The following NEDD4L variants were observed in gnomAD, a reference collection of about 807,000 sequenced individuals.
NEDD4L encodes NEDD4 like E3 ubiquitin protein ligase, also known as E3 ubiquitin-protein ligase NEDD4-like.
A neutral mutation model predicts 148.9 loss-of-function variants in NEDD4L; 54 were observed. The ratio of observed to expected loss-of-function variants is 0.36; its 90% confidence interval spans 0.29 to 0.45. The LOEUF (loss-of-function observed/expected upper bound fraction) is 0.45. Among genes scored for constraint, NEDD4L ranks in the 20% least tolerant of loss-of-function variants. The probability of loss-of-function intolerance (pLI) is 1.00; values close to 1 mark genes in which losing one functional copy is unlikely to be tolerated. For synonymous variants in NEDD4L, 433 were observed against 440.7 expected (o/e 0.98, Z 0.22); for missense variants, 856 against 1,233.8 (o/e 0.69, Z 4.59).
intron 2 of NEDD4L, chr18:58,195,684 CCT>C: frequency 7.4e-7 from 1 of 1,352,090 alleles, no homozygotes; most frequent in Non-Finnish European, 9.8e-7. Context: ...TCTAGACCTG[CCT>C]CTCTCTCCGC....
chr18:58,086,227 C>G (rs2083750854), intron 1 of NEDD4L, among the ~76,000 whole-genome samples: 1 of 152,150 alleles, frequency 6.6e-6, no homozygotes, highest in African/African-American at 2.4e-5. Flanking sequence ...TTTAAAGCTT[C>G]CCAAGATGCA....
chr18:58,136,389 G>C (rs923974598), intron 1 of NEDD4L, among the ~76,000 whole-genome samples: 5 of 152,172 alleles, frequency 3.3e-5, no homozygotes, highest in Non-Finnish European at 7.4e-5. Context: ...ACAAACACTT[G>C]TTTTGTTTTC....
intron 2 of NEDD4L, among the ~76,000 whole-genome samples, chr18:58,221,262 T>TA (rs1249160100): frequency 6.6e-6 from 1 of 152,144 alleles, no homozygotes; most frequent in Non-Finnish European, 1.5e-5. Context: ...GATCTGGCTT[T>TA]AAATAAGCAA....
At chr18:58,226,280 G>C (rs542248277) in intron 2 of NEDD4L, among the ~76,000 whole-genome samples, 4 of 152,316 alleles carry the variant, frequency 2.6e-5, no homozygotes, top group Non-Finnish European at 4.4e-5. Flanking sequence ...TTTAGACTTA[G>C]AAGTAAAGGC....
chr18:58,198,889 C>G (rs1003451101), intron 2 of NEDD4L, among the ~76,000 whole-genome samples: 24 of 152,220 alleles, frequency 1.6e-4, no homozygotes, highest in Admixed American at 3.3e-4. Flanking sequence ...ACAGCAACCT[C>G]TACCTCCCAG....
intron 2 of NEDD4L, chr18:58,195,381 T>C: frequency 8.2e-7 from 1 of 1,219,740 alleles, no homozygotes; most frequent in Non-Finnish European, 1.1e-6. Flanking sequence ...CTGCTGCCTC[T>C]GATGAGGCAC....
At chr18:58,048,597 T>A (rs2081705437) in intron 1 of NEDD4L, among the ~76,000 whole-genome samples, 1 of 152,194 alleles carries the variant, frequency 6.6e-6, no homozygotes, top group Non-Finnish European at 1.5e-5. Flanking sequence ...CCTTGAAAGG[T>A]CTTACTATCT....
At chr18:58,330,589 T>C (rs901433019) in intron 10 of NEDD4L, 149 bp from the exon 11 acceptor site, 15 of 495,514 alleles carry the variant, frequency 3.0e-5, no homozygotes, top group Non-Finnish European at 4.8e-5. Flanking sequence ...CTCGTGATTA[T>C]TGTGAAGGTT....
chr18:58,205,156 T>C (rs2041851749), intron 2 of NEDD4L, among the ~76,000 whole-genome samples: 1 of 152,260 alleles, frequency 6.6e-6, no homozygotes, highest in Non-Finnish European at 1.5e-5. Context: ...CTATTTGTGT[T>C]TCCTGCTTTT....
At chr18:58,314,238 G>A (rs1306600875) in intron 5 of NEDD4L, among the ~76,000 whole-genome samples, 1 of 152,060 alleles carries the variant, frequency 6.6e-6, no homozygotes, top group Non-Finnish European at 1.5e-5. Flanking sequence ...CCAACGTGGT[G>A]AAACCCCATC....
intron 1 of NEDD4L, among the ~76,000 whole-genome samples, chr18:58,056,205 A>G (rs4499324): frequency 0.75 from 113,755 of 152,098 alleles, 43,009 homozygotes; most frequent in East Asian, 0.98. Flanking sequence ...GTTGCAGTCG[A>G]TATGTGTTTA....
intron 1 of NEDD4L, among the ~76,000 whole-genome samples, chr18:58,106,663 G>A (rs938641611): frequency 2.0e-5 from 3 of 152,186 alleles, no homozygotes; most frequent in Non-Finnish European, 4.4e-5. Flanking sequence ...TATGCAGAGT[G>A]CTAAGAACAG....
At chr18:58,059,565 CTG>C (rs1461881475) in intron 1 of NEDD4L, among the ~76,000 whole-genome samples, 1 of 152,114 alleles carries the variant, frequency 6.6e-6, no homozygotes, top group Non-Finnish European at 1.5e-5. Flanking sequence ...ACCTAGAAAA[CTG>C]AGATGTCACT....
rs779038340 is a variant in NEDD4L, at chr18:58,104,184, C to A, written c.48+59476C>A. Reference sequence around the variant, plus strand: ...ACAATGCGGATGAACCTGAAAGATACCATGCTAAGTGAAAGAAGCCAGATA... The same window carrying A: ...ACAATGCGGATGAACCTGAAAGATAACATGCTAAGTGAAAGAAGCCAGATA... On this transcript the variant is annotated intron_variant, in intron 1 of 30. Coordinates refer to ENST00000400345, the MANE Select transcript of NEDD4L (RefSeq NM_001144967.3). Among the ~76,000 whole-genome samples the A allele has an allele frequency of 3.5e-4, 53 of 152,268 alleles. 1 individual carries two copies. Among genetic ancestry groups the A allele is most frequent in the Non-Finnish European group, 5.6e-4 (38 of 68,014 alleles).
intron 1 of NEDD4L, among the ~76,000 whole-genome samples, chr18:58,074,132 G>A (rs554425745): frequency 1.3e-5 from 2 of 152,266 alleles, no homozygotes; most frequent in African/African-American, 4.8e-5. Context: ...GGCAATGTGA[G>A]CTGTAGGGCC....
At chr18:58,229,663 A>T (rs947419528) in intron 2 of NEDD4L, among the ~76,000 whole-genome samples, 5 of 152,188 alleles carry the variant, frequency 3.3e-5, no homozygotes, top group African/African-American at 9.7e-5. Context: ...GTGAAGATTC[A>T]TATCTAGATT....
chr18:58,326,849 C>T (rs188607207), intron 9 of NEDD4L, among the ~76,000 whole-genome samples: 4 of 152,228 alleles, frequency 2.6e-5, no homozygotes, highest in Non-Finnish European at 2.9e-5. Context: ...GTGAAACTAA[C>T]GAGGGAATTC....
chr18:58,217,674 G>T (rs770715400), intron 2 of NEDD4L, among the ~76,000 whole-genome samples: 1 of 151,768 alleles, frequency 6.6e-6, no homozygotes, highest in Non-Finnish European at 1.5e-5. Flanking sequence ...TTTTTTTTCC[G>T]ACTGTAACAG....
chr18:58,272,227 A>G lies in NEDD4L; in HGVS notation c.297+20173A>G, dbSNP rs8084828. 5.1e-3 allele frequency among the ~76,000 whole-genome samples: 770 copies of G among 152,330 alleles called. 10 individuals are homozygous for G. Among genetic ancestry groups the G allele is most frequent in the African/African-American group, 0.018 (739 of 41,558 alleles). On this transcript the variant is annotated intron_variant, in intron 5 of 30. Coordinates refer to ENST00000400345, the MANE Select transcript of NEDD4L (RefSeq NM_001144967.3). The stretch of plus-strand genomic sequence containing the variant: ...AAGATAATAGTAGAGACTAGAAAAC[A>G]AATCCTTACTGATAATGAATTTCCT...
Sources: gnomAD v4.1 joint callset for allele counts (sites outside exome capture counted in the v4.1 genomes callset) on GRCh38, gnomAD v4.1.1 for gene constraint, MANE v1.5 for transcripts, NCBI Gene and HGNC (gene_info 2026-07-23, HGNC 2026-07-21) for gene names.